The following EXOC4 variants were observed in gnomAD, a reference collection of about 807,000 sequenced individuals.
EXOC4 encodes SEC8-like 1.
In EXOC4, 71 loss-of-function variants were observed where a neutral mutation model predicts 107.2. The ratio of observed to expected loss-of-function variants is 0.66; its 90% CI spans 0.55 to 0.81. The LOEUF is 0.81. EXOC4 is among the 30% of genes least tolerant of loss of function. The probability of loss-of-function intolerance (pLI) is 0.00; values close to 1 mark genes in which losing one functional copy is unlikely to be tolerated. For synonymous variants in EXOC4, 456 were observed against 441.2 expected, an observed-to-expected ratio of 1.03 and a Z score of -0.42; for missense variants, 1,108 against 1,189.6, an observed-to-expected ratio of 0.93 and a Z score of 1.01.
At chr7:134,000,589 C>A (rs1342829534) in intron 15 of EXOC4, among the ~76,000 whole-genome samples, 1 of 152,174 alleles carries the variant, frequency 6.6e-6, no homozygotes, top group Non-Finnish European at 1.5e-5. Flanking sequence ...TTTGCAGTTT[C>A]TGTTTTTACA....
intron 7 of EXOC4, among the ~76,000 whole-genome samples, chr7:133,449,414 A>G (rs1337612351): frequency 6.6e-6 from 1 of 152,328 alleles, no homozygotes; most frequent in South Asian, 2.1e-4. Flanking sequence ...GCCCTGGGAA[A>G]CTAACACACC....
rs115018515 is a variant in EXOC4 at position 133,457,251 on chromosome 7, G to T, written c.1183-18077G>T. On this transcript the variant is annotated intron_variant, in intron 7 of 17. Transcript: ENST00000253861. ...ACAGGAGAGGTCAGTCTGATGAGAG[G>T]CCCGTGGTGTATGTTGTGGTGGTAA... Among the ~76,000 whole-genome samples the T allele has an allele frequency of 7.0e-3, 1,062 of 152,250 alleles. 11 individuals carry two copies. Among genetic ancestry groups the T allele is most frequent in the African/African-American group, 0.025 (1,019 of 41,540 alleles).
At chr7:133,734,778 C>T (rs1213041907) in intron 10 of EXOC4, among the ~76,000 whole-genome samples, 4 of 151,822 alleles carry the variant, frequency 2.6e-5, no homozygotes, top group Admixed American at 2.0e-4. Context: ...ATTTTAAAAC[C>T]TGAAAAAAAT....
In EXOC4 at chr7:133,858,437, A is replaced by C. The variant is rs116519888; in HGVS notation, c.1735-37162A>C. 2.3e-3 allele frequency among the ~76,000 whole-genome samples: 357 copies of C among 152,120 alleles called. 5 individuals carry two copies. Among genetic ancestry groups the C allele is most frequent in the African/African-American group, 8.0e-3 (333 of 41,484 alleles). ...ATTGGTCCATGGGTGGACCTGGAAA[A>C]AGCACCACTTGACTGACCCAAAGGC... is the stretch of plus-strand genomic sequence containing the variant. On this transcript the variant is annotated intron_variant, in intron 11 of 17. Transcript: ENST00000253861.
At chr7:134,072,223 T>C in the EXOC4 span, among the ~76,000 whole-genome samples, 1 of 152,252 alleles carries the variant, frequency 6.6e-6, no homozygotes, top group Non-Finnish European at 1.5e-5. Flanking sequence ...AGGCAACTTA[T>C]CTTTTCCTTC....
At chr7:133,612,712 T>C (rs1802098121) in intron 9 of EXOC4, among the ~76,000 whole-genome samples, 2 of 152,104 alleles carry the variant, frequency 1.3e-5, no homozygotes, top group African/African-American at 4.8e-5. Context: ...GGTGGTGGCT[T>C]GGAAGGTAGT....
At position 134,023,391 on chromosome 7, in the gene EXOC4, A is replaced by C. The variant is rs948482192; in HGVS notation, c.2687+15556A>C. 3.4e-4 allele frequency among the ~76,000 whole-genome samples: 51 copies of C among 152,170 alleles called. 3 individuals carry two copies. The highest frequency in any genetic ancestry group is 1.5e-5 in the Non-Finnish European group (1 of 68,026). ...ATTGTCATAGCATTTCATTTCTTCC[A>C]TAAGACTAGGTAGTAATGACAAACT... On this transcript the variant is annotated intron_variant, in intron 17 of 17. Coordinates refer to ENST00000253861, the MANE Select transcript of EXOC4 (RefSeq NM_021807.4).
intron 9 of EXOC4, among the ~76,000 whole-genome samples, chr7:133,588,621 G>T (rs1230002095): frequency 6.6e-6 from 1 of 152,150 alleles, no homozygotes; most frequent in Non-Finnish European, 1.5e-5. Context: ...GGCCGGGTGT[G>T]GTGGCTCATG....
Position 133,860,236 on chromosome 7 carries a change from G to C in EXOC4, c.1735-35363G>C, listed in dbSNP as rs182183245. On this transcript the variant is annotated intron_variant, in intron 11 of 17. Coordinates refer to ENST00000253861, the MANE Select transcript of EXOC4 (RefSeq NM_021807.4). ...GCTGTTAACTGTGTGAATCTGAAAT[G>C]TGCCTCAGAATTGCTATGCTAGGAG... 4.6e-5 allele frequency among the ~76,000 whole-genome samples: 7 copies of C among 152,306 alleles called. No individual in the cohort carries two copies. In the East Asian group the frequency reaches 9.6e-4, roughly 21 times the overall value.
intron 9 of EXOC4, among the ~76,000 whole-genome samples, chr7:133,492,808 T>A (rs1584956830): frequency 6.6e-6 from 1 of 152,196 alleles, no homozygotes; most frequent in Non-Finnish European, 1.5e-5. Context: ...TCTGACTTTG[T>A]GCAAGTCACT....
chr7:133,713,749 A>G (rs1384327692), intron 10 of EXOC4, among the ~76,000 whole-genome samples: 2 of 152,116 alleles, frequency 1.3e-5, no homozygotes. Context: ...CTCTTTCCCC[A>G]TCGCTTGGCA....
intron 11 of EXOC4, among the ~76,000 whole-genome samples, chr7:133,819,273 A>C (rs1029720902): frequency 1.1e-4 from 10 of 93,404 alleles, no homozygotes; most frequent in African/African-American, 4.0e-4. Flanking sequence ...ATCTAAATGG[A>C]ATACTTTTTT....
chr7:133,924,365 A>G lies in EXOC4; in HGVS notation c.2027+6627A>G, dbSNP rs541608411. ...CCTTAATTGTATTTTATGCTTGACA[A>G]TGGGATTTTCCATCAGTCTTATAGG... On this transcript the variant is annotated intron_variant, in intron 13 of 17. Coordinates refer to ENST00000253861, the MANE Select transcript of EXOC4 (RefSeq NM_021807.4). Among the ~76,000 whole-genome samples the G allele has an allele frequency of 7.9e-5, 12 of 152,252 alleles. No individual in the cohort carries two copies. The South Asian group carries it at 1.7e-3, about 21-fold the overall frequency.
intron 17 of EXOC4, among the ~76,000 whole-genome samples, chr7:134,037,450 C>G (rs1482106877): frequency 6.6e-6 from 1 of 152,162 alleles, no homozygotes; most frequent in Non-Finnish European, 1.5e-5. Context: ...TTGAATTTCT[C>G]TAGCATTTTT....
rs1161005 is a variant in EXOC4 at position 133,338,549 on chromosome 7, C to T, written c.764-17781C>T. On this transcript the variant is annotated intron_variant, in intron 5 of 17. Transcript: ENST00000253861. ...CGGAGCTTGCAGTGAGCCGAGATTG[C>T]GCCACTGCAGTCCGCAGTCCGACCT... Among the ~76,000 whole-genome samples, 89 of 139,352 alleles carry T rather than the reference C, an allele frequency of 6.4e-4. No homozygotes were observed. In the East Asian group the frequency reaches 0.01, roughly 16 times the overall value. 91.4% of individuals were successfully genotyped at this position (139,352 alleles called of 152,430 possible).
chr7:133,576,525 TA>T (rs1433011028), intron 9 of EXOC4: 1 of 1,288,912 alleles, frequency 7.8e-7, no homozygotes, highest in East Asian at 5.6e-5. Flanking sequence ...ATGGCCAATT[TA>T]GTAACAGCAA....
chr7:133,463,773 A>G (rs916028791), intron 7 of EXOC4, among the ~76,000 whole-genome samples: 1 of 152,142 alleles, frequency 6.6e-6, no homozygotes, highest in African/African-American at 2.4e-5. Context: ...AGTAATTGAG[A>G]TCTTTATTGT....
intron 12 of EXOC4, among the ~76,000 whole-genome samples, chr7:133,901,633 C>T (rs868786383): frequency 6.6e-6 from 1 of 152,130 alleles, no homozygotes; most frequent in African/African-American, 2.4e-5. Context: ...CTGGTTTTAG[C>T]GAAGTGATAT....
At chr7:133,483,217 A>C (rs1799195987) in intron 9 of EXOC4, among the ~76,000 whole-genome samples, 1 of 152,218 alleles carries the variant, frequency 6.6e-6, no homozygotes, top group South Asian at 2.1e-4. Flanking sequence ...TAGGATCTAA[A>C]ATAGGATAGA....
Sources: gnomAD v4.1 joint callset for allele counts (sites outside exome capture counted in the v4.1 genomes callset) on GRCh38, gnomAD v4.1.1 for gene constraint, MANE v1.5 for transcripts, NCBI Gene and HGNC (gene_info 2026-07-23, HGNC 2026-07-21) for gene names.